FANCC: variants seen among roughly 807,000 people sequenced by gnomAD.
FANCC encodes the protein Fanconi anemia group C protein.
Under a neutral mutation model 71.3 loss-of-function variants are expected in FANCC, and 55 were observed. The ratio of observed to expected loss-of-function variants is 0.77; its 90% CI spans 0.62 to 0.97. FANCC has a LOEUF of 0.97. Among genes scored for constraint, FANCC ranks in the 50% least tolerant of loss-of-function variants. FANCC has a pLI of 0.00. For missense variants in FANCC, 678 were observed against 670.9 expected (o/e 1.01, Z -0.12); for synonymous variants, 275 against 244.9 (o/e 1.12, Z -1.15).
At position 95,242,219 on chromosome 9, in the gene FANCC, T is replaced by C. The variant is rs554432248; in HGVS notation, c.251-1476A>G. Among the ~76,000 whole-genome samples the C allele has an allele frequency of 2.2e-4, 34 of 152,280 alleles. No individual in the cohort carries two copies. The East Asian group carries it at 6.2e-3, about 28-fold the overall frequency. On this transcript the variant is annotated intron_variant, in intron 3 of 14. Transcript: ENST00000289081. ...GCTCAAATAAAGCATTATAAAGCAC[T>C]GGCTTGCCTGAGATCAGTTCATTTC...
intron 4 of FANCC, among the ~76,000 whole-genome samples, chr9:95,238,938 T>C (rs967988127): frequency 4.6e-5 from 7 of 152,214 alleles, no homozygotes; most frequent in Admixed American, 2.6e-4. Context: ...ATGCAAGGAC[T>C]GTGCTTGCTG....
At chr9:95,243,879 G>A (rs1246045043) in intron 3 of FANCC, among the ~76,000 whole-genome samples, 2 of 152,198 alleles carry the variant, frequency 1.3e-5, no homozygotes, top group East Asian at 1.9e-4. Flanking sequence ...CAACAGGGGC[G>A]ACACAGGCAA....
chr9:95,237,761 CTGAA>C (rs1261502730), intron 4 of FANCC, among the ~76,000 whole-genome samples: 1 of 152,106 alleles, frequency 6.6e-6, no homozygotes, highest in Non-Finnish European at 1.5e-5. Context: ...AATTTAACAT[CTGAA>C]TGAAGATACA....
intron 1 of FANCC, among the ~76,000 whole-genome samples, chr9:95,266,460 GA>G (rs1240070174): frequency 6.6e-6 from 1 of 152,120 alleles, no homozygotes; most frequent in Non-Finnish European, 1.5e-5. Flanking sequence ...TTCCTCTTCA[GA>G]ACCACTGTGC....
chr9:95,129,532 T>G (rs564348743), intron 8 of FANCC, among the ~76,000 whole-genome samples: 1 of 152,350 alleles, frequency 6.6e-6, no homozygotes, highest in Admixed American at 6.5e-5. Flanking sequence ...GAGGTCACGC[T>G]GCAAGCCAGG....
intron 6 of FANCC, among the ~76,000 whole-genome samples, chr9:95,150,383 T>C (rs1437415619): frequency 2.0e-5 from 3 of 152,192 alleles, no homozygotes; most frequent in Non-Finnish European, 2.9e-5. Flanking sequence ...AGTGTTCCCT[T>C]TCCCCAGTGC....
intron 3 of FANCC, 31 bp downstream of exon 3, chr9:95,247,401 C>T (rs1396759309): frequency 5.4e-6 from 8 of 1,494,582 alleles, no homozygotes; most frequent in Non-Finnish European, 7.5e-6. Context: ...TTAAAATAGC[C>T]ATTTTGAGAG....
intron 1 of FANCC, among the ~76,000 whole-genome samples, chr9:95,284,849 AC>A (rs1352618529): frequency 1.4e-5 from 2 of 144,698 alleles, no homozygotes; most frequent in Non-Finnish European, 3.0e-5. Context: ...GAACTCTAAG[AC>A]TCCTCTCTCT....
At chr9:95,302,774 A>G (rs990432922) in intron 1 of FANCC, among the ~76,000 whole-genome samples, 25 of 152,184 alleles carry the variant, frequency 1.6e-4, no homozygotes, top group African/African-American at 6.0e-4. Context: ...CTGTCCTACA[A>G]ACATATCAGA....
rs1019957098 is a variant in FANCC at position 95,211,541 on chromosome 9, A to G, written c.345+29108T>C. 3.9e-5 allele frequency among the ~76,000 whole-genome samples: 6 copies of G among 152,206 alleles called. No homozygotes were observed. In the South Asian group the frequency reaches 6.2e-4, roughly 16 times the overall value. Reference sequence around the variant, plus strand: ...AAGGCCACTATAGACCTGCCCCAACAACGTTTACAAACAAGCTTGGAAAGG... The same window carrying G: ...AAGGCCACTATAGACCTGCCCCAACGACGTTTACAAACAAGCTTGGAAAGG... On this transcript the variant is annotated intron_variant, in intron 4 of 14. Transcript: ENST00000289081.
chr9:95,229,297 C>CAAA (rs34502007), intron 4 of FANCC, among the ~76,000 whole-genome samples: 69 of 99,366 alleles, frequency 6.9e-4, no homozygotes, highest in African/African-American at 2.2e-3. Flanking sequence ...GATTCCTTCT[C>CAAA]AAAAAAAAAA....
chr9:95,171,174 C>A (rs2135580494), intron 5 of FANCC, 31 bp from the exon 6 acceptor site: 1 of 1,541,086 alleles, frequency 6.5e-7, no homozygotes, highest in South Asian at 1.1e-5. Flanking sequence ...CAGGTTAACT[C>A]ACGCTGCAAA....
intron 14 of FANCC, among the ~76,000 whole-genome samples, chr9:95,102,663 T>C (rs2071151385): frequency 6.6e-6 from 1 of 152,092 alleles, no homozygotes; most frequent in Admixed American, 6.5e-5. Context: ...TCTGGGAGGG[T>C]GAACAACTGC....
chr9:95,209,660 G>A (rs977570131), intron 4 of FANCC, among the ~76,000 whole-genome samples: 14 of 152,076 alleles, frequency 9.2e-5, no homozygotes, highest in African/African-American at 2.9e-4. Context: ...TAAAATCCTG[G>A]GAGTCTCCTT....
intron 14 of FANCC, among the ~76,000 whole-genome samples, chr9:95,102,414 G>A (rs2071131605): frequency 6.6e-6 from 1 of 152,204 alleles, no homozygotes; most frequent in African/African-American, 2.4e-5. Flanking sequence ...GTACTTGTTG[G>A]TGCCTGTAAG....
chr9:95,137,705 G>C (rs1450496827), intron 7 of FANCC, among the ~76,000 whole-genome samples: 1 of 152,250 alleles, frequency 6.6e-6, no homozygotes, highest in African/African-American at 2.4e-5. Context: ...AGAGGAATTG[G>C]CTGAAGGTAC....
intron 1 of FANCC, among the ~76,000 whole-genome samples, chr9:95,273,316 T>A (rs547031868): frequency 4.9e-4 from 74 of 152,308 alleles, no homozygotes; most frequent in African/African-American, 1.8e-3. Flanking sequence ...CCAAAGAGTC[T>A]TTAGGACTTT....
Position 95,249,146 on chromosome 9 carries a change from T to C in FANCC, c.146A>G (p.Tyr49Cys), listed in dbSNP as rs761845692. Residue 49 changes from tyrosine to cysteine, a missense_variant, in exon 2 of 15, where the codon TAT (tyrosine) becomes TGT (cysteine). Coordinates refer to ENST00000289081, the MANE Select transcript of FANCC (RefSeq NM_000136.3). ...ACTTACCATCTCTTTCAAGGCTTCA[T>C]ACATCTTCCTTAGGAACTCCTGGAA... The part of the protein sequence containing the change: ...AQFQEFLRKM[Y>C]EALKEMDSNT... 27 of 1,614,014 alleles carry C rather than the reference T, an allele frequency of 1.7e-5. 2 individuals are homozygous for C. The South Asian group carries it at 2.6e-4, about 16-fold the overall frequency.
intron 1 of FANCC, among the ~76,000 whole-genome samples, chr9:95,259,729 A>T (rs1219392905): frequency 1.3e-5 from 2 of 152,272 alleles, no homozygotes; most frequent in African/African-American, 4.8e-5. Context: ...GCACAGCAAA[A>T]GAAACTATCA....
Sources: gnomAD v4.1 joint callset for allele counts (sites outside exome capture counted in the v4.1 genomes callset) on GRCh38, gnomAD v4.1.1 for gene constraint, MANE v1.5 for transcripts, NCBI Gene and HGNC (gene_info 2026-07-23, HGNC 2026-07-21) for gene names.